Variants in NHS observed in about 807,000 individuals in gnomAD.
NHS encodes NHS actin remodeling regulator.
NHS carries 5 observed loss-of-function variants against 72.5 expected under a neutral mutation model. The ratio of observed to expected loss-of-function variants is 0.07; its 90% CI spans 0.04 to 0.14. The LOEUF (loss-of-function observed/expected upper bound fraction) is 0.14, where lower values mean the gene tolerates loss of function less well. Ranked by LOEUF, NHS falls within the 10% of genes least tolerant of loss-of-function variation. The pLI, the probability that NHS is intolerant of heterozygous loss-of-function variation, is 1.00. For missense variants in NHS, 1,072 were observed against 1,355.7 expected (o/e 0.79, Z 3.29); for synonymous variants, 464 against 547.7 (o/e 0.85, Z 2.13).
chrX:17,451,928 C>T (rs1326444514), intron 1 of NHS, among the ~76,000 whole-genome samples: 1 of 111,840 alleles, frequency 8.9e-6, no homozygotes, highest in Non-Finnish European at 1.9e-5. Flanking sequence ...AAACCCGCAT[C>T]CTTAAATTGC....
intron 1 of NHS, among the ~76,000 whole-genome samples, chrX:17,539,886 G>GT (rs2065254374): frequency 8.9e-6 from 1 of 112,140 alleles, no homozygotes; most frequent in Non-Finnish European, 1.9e-5. Flanking sequence ...GTTTGCTCTT[G>GT]TCACCTGCCT....
intron 1 of NHS, among the ~76,000 whole-genome samples, chrX:17,518,384 G>C (rs1283372706): frequency 9.0e-6 from 1 of 111,247 alleles, no homozygotes; most frequent in Non-Finnish European, 1.9e-5. Context: ...GTAGTAAAGA[G>C]AGTCACAAAC....
chrX:17,720,873 C>T (rs1429026234), intron 4 of NHS, among the ~76,000 whole-genome samples: 1 of 112,226 alleles, frequency 8.9e-6, no homozygotes, highest in Non-Finnish European at 1.9e-5. Context: ...TACAAGTGTT[C>T]ATGAAACTGA....
intron 1 of NHS, among the ~76,000 whole-genome samples, chrX:17,506,529 A>ATAAG (rs2065059368): frequency 1.4e-5 from 1 of 72,958 alleles, no homozygotes; most frequent in African/African-American, 5.5e-5. Flanking sequence ...AGACTCTGTA[A>ATAAG]TAAATAAATA....
At chrX:17,710,007 C>T (rs946278148) in intron 3 of NHS, among the ~76,000 whole-genome samples, 1 of 111,896 alleles carries the variant, frequency 8.9e-6, no homozygotes, top group Non-Finnish European at 1.9e-5. Flanking sequence ...CAAAGGACCA[C>T]TGCTGGGACA....
At chrX:17,580,408 A>G (rs1424496524) in intron 1 of NHS, among the ~76,000 whole-genome samples, 1 of 112,093 alleles carries the variant, frequency 8.9e-6, no homozygotes, top group African/African-American at 3.2e-5. Context: ...TTAGTGAACA[A>G]AGCAGAGAAA....
chrX:17,711,275 C>T (rs1328880148), intron 3 of NHS, among the ~76,000 whole-genome samples: 2 of 111,380 alleles, frequency 1.8e-5, no homozygotes, highest in East Asian at 5.6e-4. Flanking sequence ...GATCATGGTC[C>T]AGTGGGCCCT....
chrX:17,430,244 C>T (rs1229688621), intron 1 of NHS, among the ~76,000 whole-genome samples: 1 of 74,898 alleles, frequency 1.3e-5, no homozygotes, highest in Non-Finnish European at 2.5e-5. Context: ...CTCCCTCCCT[C>T]CCTCCCCTCT....
chrX:17,638,295 T>C (rs2065861204), intron 1 of NHS, among the ~76,000 whole-genome samples: 1 of 112,419 alleles, frequency 8.9e-6, no homozygotes, highest in Non-Finnish European at 1.9e-5. Flanking sequence ...CACTGTCTTA[T>C]GGCAAAGACC....
At chrX:17,673,284 A>T (rs1302038506) in intron 1 of NHS, among the ~76,000 whole-genome samples, 1 of 108,698 alleles carries the variant, frequency 9.2e-6, no homozygotes, top group Admixed American at 9.8e-5. Context: ...CCTTTACATA[A>T]GAGGGTTAGG....
chrX:17,721,824 G>A (rs2066408176), intron 5 of NHS, among the ~76,000 whole-genome samples, 191 bp downstream of exon 5: 1 of 111,333 alleles, frequency 9.0e-6, no homozygotes, highest in African/African-American at 3.3e-5. Flanking sequence ...GTTTTCCGCG[G>A]GCCACTTGTT....
intron 1 of NHS, among the ~76,000 whole-genome samples, chrX:17,452,594 C>A (rs1271104493): frequency 9.0e-6 from 1 of 110,864 alleles, no homozygotes; most frequent in East Asian, 2.8e-4. Flanking sequence ...TGACTTCCAA[C>A]TGTAATTGCA....
At chrX:17,497,425 A>AT (rs1899969591) in intron 1 of NHS, among the ~76,000 whole-genome samples, 1 of 111,601 alleles carries the variant, frequency 9.0e-6, no homozygotes, top group Admixed American at 9.6e-5. Context: ...AATATTTATT[A>AT]TGCAAGCTTT....
rs1465304467 is a variant in NHS, at chrX:17,712,253, G to GTGTA, written c.853-7090_853-7089insGTAT. Among the ~76,000 whole-genome samples the GTGTA allele has an allele frequency of 3.8e-3, 193 of 50,136 alleles. 1 individual carries two copies. Among genetic ancestry groups the GTGTA allele is most frequent in the African/African-American group, 4.9e-3 (73 of 14,861 alleles). The allele number at this position is 50,136 out of a possible 115,157, so 43.5% of individuals were successfully genotyped here. A position where few individuals can be genotyped will look rare whatever the true frequency, so the allele number is the denominator to read the frequency against. ...ATGCTTATTGGCCTTTTGTGTGTGT[G>GTGTA]TATATATATATATATATATATATAT... On this transcript the variant is annotated intron_variant, in intron 3 of 8. Transcript: ENST00000676302.
chrX:17,600,889 T>A (rs1169661042), intron 1 of NHS, among the ~76,000 whole-genome samples: 1 of 111,892 alleles, frequency 8.9e-6, no homozygotes, highest in Admixed American at 9.5e-5. Context: ...GGTACTATTA[T>A]CTGGCATGAT....
rs370811549 is a variant in NHS, at chrX:17,727,514, G to C, written c.3408G>C (p.Thr1136=). Reference sequence around the variant, plus strand: ...CACCGTCCCTTGCAATTACACCAACGATCCTGAAATCTGTTAACCTTAGGT... The same window carrying C: ...CACCGTCCCTTGCAATTACACCAACCATCCTGAAATCTGTTAACCTTAGGT... ...NPPPSLAITP[T]ILKSVNLRSI... is the part of the protein sequence containing the mutation. The change falls in exon 7 of 9, where the codon ACG becomes ACC. Residue 1136 remains threonine, a synonymous_variant. Transcript: ENST00000676302. The C allele has an allele frequency of 7.4e-6, 9 of 1,209,748 alleles. No homozygotes were observed. Among genetic ancestry groups the C allele is most frequent in the African/African-American group, 1.8e-5 (1 of 57,042 alleles).
chrX:17,514,868 G>A (rs2065111450), intron 1 of NHS, among the ~76,000 whole-genome samples: 1 of 111,618 alleles, frequency 9.0e-6, no homozygotes, highest in African/African-American at 3.3e-5. Flanking sequence ...GCAACTGGAT[G>A]GCTTAGAAGC....
intron 1 of NHS, among the ~76,000 whole-genome samples, chrX:17,422,595 TG>T (rs921719179): frequency 4.9e-4 from 55 of 111,794 alleles, no homozygotes; most frequent in African/African-American, 1.8e-3. Flanking sequence ...CTCCACTCAC[TG>T]GGTACCAGTG....
At position 17,724,322 on chromosome X, in the gene NHS, A is replaced by G; in HGVS notation, c.1132A>G (p.Ser378Gly). ...AGGAGTTGGCTTTGACAGAGAGGCT[A>G]GTATACGCTGCTCTCTGGTTCATTC... ...VTGVGFDREASIRCSLVHSQS... is the reference protein window; with the variant it reads ...VTGVGFDREAGIRCSLVHSQS... The change falls in exon 6 of 9, where the codon AGT becomes GGT. Residue 378 changes from serine to glycine, a missense_variant. Physicochemically the swap from Ser to Gly is moderately conservative, Grantham distance 56. Coordinates refer to ENST00000676302, the MANE Select transcript of NHS (RefSeq NM_001291867.2). 9 of 1,211,713 alleles carry G rather than the reference A, an allele frequency of 7.4e-6. No individual in the cohort carries two copies. Among genetic ancestry groups the G allele is most frequent in the Non-Finnish European group, 1.0e-5 (9 of 895,333 alleles).
Sources: allele counts gnomAD v4.1 joint callset (sites outside exome capture counted in the v4.1 genomes callset), GRCh38; gene constraint gnomAD v4.1.1; transcripts MANE v1.5; gene names NCBI Gene and HGNC (gene_info 2026-07-23, HGNC 2026-07-21).